ACTR3: variants seen among roughly 807,000 people sequenced by gnomAD.
ACTR3 encodes the protein actin-related protein 3.
A neutral mutation model predicts 56.8 loss-of-function variants in ACTR3; 12 were observed. The ratio of observed to expected loss-of-function variants is 0.21; its 90% CI spans 0.14 to 0.34. The LOEUF (loss-of-function observed/expected upper bound fraction) is 0.34, where lower values mean the gene tolerates loss of function less well. Among genes scored for constraint, ACTR3 ranks in the 10% least tolerant of loss-of-function variants. The pLI is 1.00. For synonymous variants in ACTR3, 162 were observed against 167.4 expected (o/e 0.97, Z 0.25); for missense variants, 282 against 512.5 (o/e 0.55, Z 4.34).
At chr2:113,953,856 A>T (rs946183827) in intron 10 of ACTR3, 2 of 152,230 alleles carry the variant, frequency 1.3e-5, no homozygotes, top group Admixed American at 1.3e-4. Context: ...TGTTTCACTA[A>T]TGTCCCTTAT....
chr2:113,913,282 ATAAT>A, intron 2 of ACTR3, 55 bp downstream of exon 2: 1 of 1,279,866 alleles, frequency 7.8e-7, no homozygotes, highest in East Asian at 2.5e-5. Context: ...CCCTTCCCTA[ATAAT>A]TTAAGTAAAA....
intron 8 of ACTR3, among the ~76,000 whole-genome samples, chr2:113,943,783 A>T (rs1207940268): frequency 6.6e-6 from 1 of 152,230 alleles, no homozygotes; most frequent in African/African-American, 2.4e-5. Context: ...GGTGAAATAG[A>T]CAAAGATGAG....
intron 1 of ACTR3, among the ~76,000 whole-genome samples, chr2:113,906,933 C>A (rs1679205004): frequency 6.6e-6 from 1 of 152,000 alleles, no homozygotes; most frequent in Non-Finnish European, 1.5e-5. Flanking sequence ...TATTCAGGAT[C>A]CTTTGAGATC....
At chr2:113,895,165 C>T (rs1678984231) in intron 1 of ACTR3, among the ~76,000 whole-genome samples, 1 of 146,150 alleles carries the variant, frequency 6.8e-6, no homozygotes, top group African/African-American at 2.5e-5. Flanking sequence ...TTGTGTTTCT[C>T]AGGAAATAAT....
chr2:113,915,051 CTAATG>C (rs1311961298), intron 2 of ACTR3, among the ~76,000 whole-genome samples: 2 of 152,128 alleles, frequency 1.3e-5, no homozygotes, highest in African/African-American at 4.8e-5. Flanking sequence ...TTATTGCTGA[CTAATG>C]TAGAGGTACT....
At chr2:113,911,500 A>G (rs567692623) in intron 1 of ACTR3, among the ~76,000 whole-genome samples, 1 of 148,578 alleles carries the variant, frequency 6.7e-6, no homozygotes, top group African/African-American at 2.5e-5. Flanking sequence ...CCTCACTGCA[A>G]CCTCTGTCTC....
chr2:113,941,438 G>GTCT (rs1366633630), intron 7 of ACTR3, among the ~76,000 whole-genome samples: 1 of 152,040 alleles, frequency 6.6e-6, no homozygotes, highest in Non-Finnish European at 1.5e-5. Context: ...GTAATCAAAT[G>GTCT]TCTTCGGATT....
intron 7 of ACTR3, among the ~76,000 whole-genome samples, chr2:113,941,236 A>G (rs1679919313): frequency 6.6e-6 from 1 of 152,356 alleles, no homozygotes; most frequent in Admixed American, 6.5e-5. Context: ...TAAGAATTAA[A>G]TATATAAAAA....
intron 8 of ACTR3, 69 bp downstream of exon 8, chr2:113,942,428 GAATT>G: frequency 3.7e-6 from 4 of 1,089,080 alleles, no homozygotes; most frequent in Non-Finnish European, 4.9e-6. Context: ...TATTCAGAGA[GAATT>G]AATCTCAGAA....
intron 1 of ACTR3, among the ~76,000 whole-genome samples, chr2:113,907,350 T>C (rs1193440131): frequency 3.9e-5 from 6 of 152,190 alleles, no homozygotes; most frequent in Admixed American, 3.9e-4. Context: ...AGCTCCTCCA[T>C]GGCTCAAGTC....
Position 113,890,691 on chromosome 2 carries a change from C to G in ACTR3, c.44+368C>G. The G allele has an allele frequency of 2.6e-6, 3 of 1,133,360 alleles. No homozygotes were observed. In the South Asian group the frequency reaches 1.1e-4, roughly 41 times the overall value. The allele number at this position is 1,133,360 out of a possible 1,614,324, so 70.2% of individuals were successfully genotyped here. ...CCCATCCGGCTTTCCTTTCCCTCCGCGCCCGTTTTTGCCAGTCGGTTTGGG... is the reference window on the plus strand; with the variant it reads ...CCCATCCGGCTTTCCTTTCCCTCCGGGCCCGTTTTTGCCAGTCGGTTTGGG... On this transcript the variant is annotated intron_variant, in intron 1 of 11. Coordinates refer to ENST00000263238, the MANE Select transcript of ACTR3 (RefSeq NM_005721.5).
At chr2:113,894,368 C>T (rs991102042) in intron 1 of ACTR3, among the ~76,000 whole-genome samples, 2 of 152,232 alleles carry the variant, frequency 1.3e-5, no homozygotes, top group African/African-American at 4.8e-5. Flanking sequence ...GCTGGGATTA[C>T]AGACATGAGC....
chr2:113,951,793 C>T lies in ACTR3; in HGVS notation c.1025C>T (p.Thr342Ile). Residue 342 changes from threonine to isoleucine, a missense_variant, in exon 10 of 12, where the codon ACT (threonine) becomes ATT (isoleucine). Thr to Ile is a moderately conservative substitution (Grantham distance 89, BLOSUM62 -1). Transcript: ENST00000263238. ...CGCTTGCAAAGAGATTTGAAAAGAA[C>T]TGTAGATGCCCGGCTGAAATTAAGT... Reference protein sequence around the residue: ...GRRLQRDLKRTVDARLKLSEE... With the variant: ...GRRLQRDLKRIVDARLKLSEE... The T allele has an allele frequency of 6.2e-7, 1 of 1,613,698 alleles. No individual in the cohort carries two copies. The highest frequency in any genetic ancestry group is 8.5e-7 in the Non-Finnish European group (1 of 1,179,680).
At chr2:113,951,874 G>A (rs758294226) in intron 10 of ACTR3, 29 bp downstream of exon 10, 126 of 1,609,594 alleles carry the variant, frequency 7.8e-5, no homozygotes, top group Non-Finnish European at 1.1e-4. Context: ...TGGTGAGAAG[G>A]TTGAGGGTGC....
chr2:113,924,032 T>G (rs1403197227), intron 3 of ACTR3, among the ~76,000 whole-genome samples: 4 of 151,580 alleles, frequency 2.6e-5, no homozygotes, highest in Non-Finnish European at 4.4e-5. Flanking sequence ...GGAAACCTGT[T>G]GGCATCTTCT....
At chr2:113,942,501 G>T in intron 8 of ACTR3, 142 bp downstream of exon 8, 1 of 609,302 alleles carries the variant, frequency 1.6e-6, no homozygotes, top group Non-Finnish European at 2.4e-6. Flanking sequence ...AACATTTTAT[G>T]AACTTTTTAA....
chr2:113,949,135 T>A (rs1288329548), intron 8 of ACTR3, among the ~76,000 whole-genome samples: 1 of 151,076 alleles, frequency 6.6e-6, no homozygotes, highest in African/African-American at 2.4e-5. Context: ...CCCAGCACTT[T>A]GGGAGGCTGA....
At chr2:113,913,427 A>G (rs1679344618) in intron 2 of ACTR3, among the ~76,000 whole-genome samples, 200 bp downstream of exon 2, 2 of 151,964 alleles carry the variant, frequency 1.3e-5, no homozygotes, top group African/African-American at 2.4e-5. Flanking sequence ...CCCATTTGCC[A>G]TGTCTACTAA....
chr2:113,947,067 T>C (rs1401506273), intron 8 of ACTR3, among the ~76,000 whole-genome samples: 1 of 152,198 alleles, frequency 6.6e-6, no homozygotes, highest in Non-Finnish European at 1.5e-5. Context: ...TAGCTGGAAG[T>C]TAGGACAGAT....
Sources: gnomAD v4.1 joint callset for allele counts (sites outside exome capture counted in the v4.1 genomes callset) on GRCh38, gnomAD v4.1.1 for gene constraint, MANE v1.5 for transcripts, NCBI Gene and HGNC (gene_info 2026-07-23, HGNC 2026-07-21) for gene names.